Variants in TMTC2 observed in about 807,000 individuals in gnomAD.
TMTC2 encodes protein O-mannosyl-transferase TMTC2.
A neutral mutation model predicts 82.4 loss-of-function variants in TMTC2; 43 were observed. The ratio of observed to expected loss-of-function variants is 0.52; its 90% CI spans 0.41 to 0.67. The LOEUF (loss-of-function observed/expected upper bound fraction) is 0.67. Among genes scored for constraint, TMTC2 ranks in the 30% least tolerant of loss-of-function variants. The pLI is 0.00. For synonymous variants in TMTC2, 408 were observed against 381.9 expected, an observed-to-expected ratio of 1.07 and a Z score of -0.80; for missense variants, 919 against 1,012.4, an observed-to-expected ratio of 0.91 and a Z score of 1.25.
chr12:82,920,531 A>G (rs555255875), intron 3 of TMTC2, among the ~76,000 whole-genome samples: 73 of 152,322 alleles, frequency 4.8e-4, no homozygotes, highest in Middle Eastern at 3.4e-3. Context: ...GTGAATTAAC[A>G]TCAAGTTTCT....
At chr12:82,808,688 C>T (rs1223907182) in intron 1 of TMTC2, among the ~76,000 whole-genome samples, 1 of 152,060 alleles carries the variant, frequency 6.6e-6, no homozygotes, top group East Asian at 1.9e-4. Context: ...TTCCAGTATT[C>T]TTCTCCTGCC....
At chr12:82,916,635 C>T (rs576253422) in intron 3 of TMTC2, among the ~76,000 whole-genome samples, 106 of 152,204 alleles carry the variant, frequency 7.0e-4, no homozygotes, top group Middle Eastern at 3.4e-3. Context: ...TAAAACAAAA[C>T]GAACATGGGT....
intron 1 of TMTC2, among the ~76,000 whole-genome samples, chr12:82,798,293 C>T (rs558356145): frequency 5.0e-5 from 7 of 140,080 alleles, no homozygotes; most frequent in Non-Finnish European, 7.8e-5. Context: ...GACTTGGGGC[C>T]GGGTGTGGTG....
At chr12:82,700,373 T>G (rs1873018790) in intron 1 of TMTC2, among the ~76,000 whole-genome samples, 1 of 152,212 alleles carries the variant, frequency 6.6e-6, no homozygotes, top group African/African-American at 2.4e-5. Context: ...AATCACTATG[T>G]AATAACATCT....
chr12:83,063,358 T>TGAA (rs1882810660), intron 11 of TMTC2, among the ~76,000 whole-genome samples: 2 of 151,828 alleles, frequency 1.3e-5, no homozygotes, highest in South Asian at 4.1e-4. Flanking sequence ...GTGGCTATTC[T>TGAA]GAATGCTGTC....
Position 82,764,837 on chromosome 12 carries a change from ATTT to A in TMTC2, c.83+77181_83+77183del, listed in dbSNP as rs10603409. 4.7e-3 allele frequency among the ~76,000 whole-genome samples: 681 copies of A among 145,970 alleles called. 2 individuals are homozygous for A. Among genetic ancestry groups the A allele is most frequent in the Non-Finnish European group, 5.3e-3 (357 of 66,804 alleles). ...CATGCCTTTGGCTCAGTGAATCTGC[ATTT>A]TTTTTTTTTTTTAACATAAGATGAC... On this transcript the variant is annotated intron_variant, in intron 1 of 11. Transcript: ENST00000321196.
At chr12:82,950,636 A>G (rs546140018) in intron 4 of TMTC2, among the ~76,000 whole-genome samples, 3 of 152,202 alleles carry the variant, frequency 2.0e-5, no homozygotes, top group Non-Finnish European at 4.4e-5. Context: ...ATGGACTAAT[A>G]TGGAACATAA....
intron 3 of TMTC2, among the ~76,000 whole-genome samples, chr12:82,925,550 A>T (rs1395773423): frequency 6.6e-6 from 1 of 152,222 alleles, no homozygotes; most frequent in Non-Finnish European, 1.5e-5. Context: ...GCAACTGCAT[A>T]AACCAAGCTG....
chr12:83,053,777 G>A (rs1298653746), intron 10 of TMTC2, among the ~76,000 whole-genome samples: 1 of 152,074 alleles, frequency 6.6e-6, no homozygotes, highest in African/African-American at 2.4e-5. Context: ...GTTCAGATAA[G>A]AATGACAAGT....
intron 1 of TMTC2, among the ~76,000 whole-genome samples, chr12:82,694,796 AC>A: frequency 6.6e-6 from 1 of 151,684 alleles, no homozygotes; most frequent in Non-Finnish European, 1.5e-5. Flanking sequence ...AAAAAAAAAA[AC>A]TGGTTCACTA....
At chr12:82,726,481 TTTCAGTGATG>T (rs538091405) in intron 1 of TMTC2, among the ~76,000 whole-genome samples, 201 of 152,300 alleles carry the variant, frequency 1.3e-3, no homozygotes, top group African/African-American at 4.7e-3. Flanking sequence ...ACCAGAGACT[TTTCAGTGATG>T]CTGGTAGGAA....
chr12:82,854,774 C>A (rs1871169243), intron 1 of TMTC2, among the ~76,000 whole-genome samples: 1 of 152,080 alleles, frequency 6.6e-6, no homozygotes. Flanking sequence ...TCAACTAGTT[C>A]TTATTAGTAG....
At position 82,928,802 on chromosome 12, in the gene TMTC2, G is replaced by T. The variant is rs1875862741; in HGVS notation, c.1484-1629G>T. Among the ~76,000 whole-genome samples the T allele has an allele frequency of 2.0e-5, 3 of 152,276 alleles. No homozygotes were observed. In the South Asian group the frequency reaches 6.2e-4, roughly 32 times the overall value. ...TGTCAAGTGTGTGGCATGGTACATG[G>T]CACTATTAGCTGTTGCATAATTGTG... On this transcript the variant is annotated intron_variant, in intron 3 of 11. Transcript: ENST00000321196.
chr12:83,116,776 T>C (rs1884776745), intron 11 of TMTC2, among the ~76,000 whole-genome samples: 1 of 152,070 alleles, frequency 6.6e-6, no homozygotes, highest in African/African-American at 2.4e-5. Context: ...CACTTTTTGA[T>C]GGGATTTTTT....
rs559869480 is a variant in TMTC2 at position 83,127,419 on chromosome 12, G to A, written c.2332-4791G>A. Among the ~76,000 whole-genome samples the A allele has an allele frequency of 7.2e-5, 11 of 152,006 alleles. No individual in the cohort carries two copies. In the South Asian group the frequency reaches 2.3e-3, roughly 32 times the overall value. On this transcript the variant is annotated intron_variant, in intron 11 of 11. Coordinates refer to ENST00000321196, the MANE Select transcript of TMTC2 (RefSeq NM_152588.3). The stretch of plus-strand genomic sequence containing the variant: ...CCTGTTGATTATCCTTCATAAAACG[G>A]AAATGGCCACAGAGACCAATGGGAT...
intron 1 of TMTC2, among the ~76,000 whole-genome samples, chr12:82,735,641 A>C (rs372845346): frequency 3.8e-4 from 54 of 141,858 alleles, no homozygotes; most frequent in Non-Finnish European, 5.6e-4. Flanking sequence ...CACCGCACCC[A>C]GCCCCCCTAA....
chr12:82,973,515 T>C (rs146831261), intron 7 of TMTC2, among the ~76,000 whole-genome samples: 28 of 152,304 alleles, frequency 1.8e-4, no homozygotes, highest in African/African-American at 6.0e-4. Context: ...ATATGAAATT[T>C]ATGAGCAAAA....
At chr12:83,017,955 G>A (rs1175334359) in intron 8 of TMTC2, among the ~76,000 whole-genome samples, 1 of 150,056 alleles carries the variant, frequency 6.7e-6, no homozygotes, top group Non-Finnish European at 1.5e-5. Flanking sequence ...AGAGAATTTA[G>A]TGTCTAAATA....
intron 1 of TMTC2, among the ~76,000 whole-genome samples, chr12:82,728,721 G>C (rs895463183): frequency 3.3e-5 from 5 of 152,354 alleles, no homozygotes; most frequent in African/African-American, 1.2e-4. Flanking sequence ...CCCCTTTCTG[G>C]GCTGGCCAAG....
Sources: gnomAD v4.1 joint callset for allele counts (sites outside exome capture counted in the v4.1 genomes callset) on GRCh38, gnomAD v4.1.1 for gene constraint, MANE v1.5 for transcripts, NCBI Gene and HGNC (gene_info 2026-07-23, HGNC 2026-07-21) for gene names.